GALNT14: variants seen among roughly 807,000 people sequenced by gnomAD.
GALNT14 encodes the protein polypeptide N-acetylgalactosaminyltransferase 14.
In GALNT14, 60 loss-of-function variants were observed where a neutral mutation model predicts 77.5. The observed-to-expected ratio is 0.77, with a 90% CI of 0.63 to 0.96. GALNT14 has a LOEUF of 0.96. Ranked by LOEUF, GALNT14 falls within the 40% of genes least tolerant of loss-of-function variation. The probability of loss-of-function intolerance (pLI) is 0.00; values close to 1 mark genes in which losing one functional copy is unlikely to be tolerated. For missense variants in GALNT14, 710 were observed against 731.0 expected (o/e 0.97, Z 0.33); for synonymous variants, 280 against 281.7 (o/e 0.99, Z 0.06).
chr2:30,983,222 G>A (rs775565995), intron 2 of GALNT14, among the ~76,000 whole-genome samples: 4 of 152,140 alleles, frequency 2.6e-5, no homozygotes, highest in Non-Finnish European at 4.4e-5. Flanking sequence ...AGGGGCCTGG[G>A]GAGGGTAGTA....
intron 3 of GALNT14, among the ~76,000 whole-genome samples, chr2:30,960,561 C>A (rs1667632362): frequency 6.6e-6 from 1 of 152,078 alleles, no homozygotes; most frequent in Admixed American, 6.5e-5. Context: ...CTTGTTTTTG[C>A]TTCTCTAATC....
chr2:30,924,599 C>T lies in GALNT14; in HGVS notation c.1235+141G>A, dbSNP rs141527084. 6.9e-3 allele frequency: 4,565 copies of T among 663,034 alleles called. 32 individuals carry two copies. The highest frequency in any genetic ancestry group is 0.02 in the Middle Eastern group (64 of 3,188). The allele number at this position is 663,034 out of a possible 1,614,324, so 41.1% of individuals were successfully genotyped here. Reference sequence around the variant, plus strand: ...GGTCCCTCCGGGTTTTAGGGGTGAACGGAGCCAACTGGTCTTCTTACACCT... The same window carrying T: ...GGTCCCTCCGGGTTTTAGGGGTGAATGGAGCCAACTGGTCTTCTTACACCT... On this transcript the variant is annotated intron_variant, in intron 12 of 14. Coordinates refer to ENST00000349752, the MANE Select transcript of GALNT14 (RefSeq NM_024572.4).
chr2:31,014,234 T>G (rs1176050370), intron 1 of GALNT14, among the ~76,000 whole-genome samples: 5 of 152,160 alleles, frequency 3.3e-5, no homozygotes. Context: ...TGACTAAAGA[T>G]GAGAATAAAA....
chr2:31,002,044 A>G (rs1390458721), intron 1 of GALNT14, among the ~76,000 whole-genome samples: 1 of 152,152 alleles, frequency 6.6e-6, no homozygotes, highest in Non-Finnish European at 1.5e-5. Context: ...TACTACCCCT[A>G]TGAAGTAGCC....
intron 1 of GALNT14, among the ~76,000 whole-genome samples, chr2:31,091,940 C>T (rs574371860): frequency 3.3e-5 from 5 of 152,210 alleles, no homozygotes; most frequent in African/African-American, 1.2e-4. Flanking sequence ...GCTGCCAGTG[C>T]GGCTAGAATA....
chr2:30,890,737 T>C, the GALNT14 span, among the ~76,000 whole-genome samples: 1 of 152,226 alleles, frequency 6.6e-6, no homozygotes, highest in African/African-American at 2.4e-5. Context: ...TCAGTGTTCC[T>C]TGTCTGCATC....
chr2:30,901,936 G>A, the GALNT14 span, among the ~76,000 whole-genome samples: 1 of 152,112 alleles, frequency 6.6e-6, no homozygotes, highest in Non-Finnish European at 1.5e-5. Flanking sequence ...GGTCTTTTTT[G>A]TTGTCATAGG....
chr2:30,932,456 A>G (rs1454725339), intron 9 of GALNT14, among the ~76,000 whole-genome samples: 6 of 152,232 alleles, frequency 3.9e-5, no homozygotes, highest in Non-Finnish European at 7.3e-5. Context: ...AGGGGCCAGC[A>G]TGGCGGGGCA....
intron 1 of GALNT14, among the ~76,000 whole-genome samples, chr2:31,068,345 C>T (rs1168302974): frequency 1.3e-5 from 2 of 151,684 alleles, no homozygotes; most frequent in Admixed American, 6.6e-5. Flanking sequence ...AAATTAGCCA[C>T]GTGGGGTGGT....
At chr2:31,051,285 G>C (rs72854812) in intron 1 of GALNT14, among the ~76,000 whole-genome samples, 3,585 of 152,310 alleles carry the variant, frequency 0.024, 141 homozygotes, top group African/African-American at 0.08. Context: ...TGAAGCACCA[G>C]TCTAGATGTT....
At chr2:31,085,075 A>G (rs1431231570) in intron 1 of GALNT14, among the ~76,000 whole-genome samples, 1 of 152,108 alleles carries the variant, frequency 6.6e-6, no homozygotes, top group Non-Finnish European at 1.5e-5. Context: ...TGCATGGGAC[A>G]CAGTGTAGTA....
chr2:31,062,071 G>A (rs538649618), intron 1 of GALNT14, among the ~76,000 whole-genome samples: 166 of 152,232 alleles, frequency 1.1e-3, no homozygotes, highest in Admixed American at 2.3e-3. Flanking sequence ...TTTACTTTAA[G>A]TTCTGGGATA....
At chr2:30,958,363 C>A in intron 4 of GALNT14, 34 bp downstream of exon 4, 2 of 1,580,642 alleles carry the variant, frequency 1.3e-6, no homozygotes, top group Non-Finnish European at 1.7e-6. Context: ...AACAGACATT[C>A]GTGTCTAAAG....
intron 2 of GALNT14, among the ~76,000 whole-genome samples, chr2:30,978,599 T>C (rs1450764555): frequency 1.3e-5 from 2 of 152,212 alleles, no homozygotes; most frequent in African/African-American, 4.8e-5. Context: ...AGGATGGTTT[T>C]AAATTTCCTG....
At chr2:31,131,958 C>T (rs1679016017) in intron 1 of GALNT14, among the ~76,000 whole-genome samples, 2 of 152,264 alleles carry the variant, frequency 1.3e-5, no homozygotes, top group Admixed American at 1.3e-4. Context: ...TCATTCTGTG[C>T]CTCTGGGGAA....
At chr2:30,988,059 G>A (rs1341672801) in intron 2 of GALNT14, among the ~76,000 whole-genome samples, 1 of 152,172 alleles carries the variant, frequency 6.6e-6, no homozygotes, top group Non-Finnish European at 1.5e-5. Flanking sequence ...CCTGAGGATC[G>A]AAGGGTGAGG....
intron 1 of GALNT14, among the ~76,000 whole-genome samples, chr2:31,009,379 ATCT>A (rs1302216328): frequency 1.3e-5 from 2 of 151,888 alleles, no homozygotes; most frequent in Non-Finnish European, 2.9e-5. Context: ...AGACTTTGGC[ATCT>A]TCTTCATTTC....
chr2:31,128,212 G>A (rs998186680), intron 1 of GALNT14, among the ~76,000 whole-genome samples: 7 of 152,118 alleles, frequency 4.6e-5, no homozygotes, highest in African/African-American at 1.7e-4. Context: ...TCTGGTCCCT[G>A]TACTGGGTAG....
rs190093039 is a variant in GALNT14, at chr2:30,924,132, T to C, written c.1367A>G (p.Asp456Gly). The change falls in exon 13 of 15, where the codon GAT becomes GGT. Residue 456 changes from aspartate to glycine, a missense_variant. By Grantham distance (94) the Asp-to-Gly change is moderately conservative (BLOSUM62 -1). Coordinates refer to ENST00000349752, the MANE Select transcript of GALNT14 (RefSeq NM_024572.4). ...LSPCAKVKGE[D>G]AKSQVWAFTY... ...CAGTTACTTTACCTGGGACTTTGCA[T>C]CTTCGCCTTTGACCTTGGCACAGGG... 3.7e-6 allele frequency: 6 copies of C among 1,614,246 alleles called. No homozygotes were observed. In the African/African-American group the frequency reaches 8.0e-5, roughly 22 times the overall value.
Sources: gnomAD v4.1 joint callset for allele counts (sites outside exome capture counted in the v4.1 genomes callset) on GRCh38, gnomAD v4.1.1 for gene constraint, MANE v1.5 for transcripts, NCBI Gene and HGNC (gene_info 2026-07-23, HGNC 2026-07-21) for gene names.